Variants in ZFHX3 observed in about 807,000 individuals in gnomAD.
The protein encoded by ZFHX3 is zinc finger homeobox protein 3.
Under a neutral mutation model 279.1 loss-of-function variants are expected in ZFHX3, and 42 were observed. The observed-to-expected ratio is 0.15, with a 90% CI of 0.12 to 0.19. The LOEUF is 0.19. ZFHX3 is among the 10% of genes least tolerant of loss of function. The pLI is 1.00. For synonymous variants in ZFHX3, 2,293 were observed against 1,957.8 expected (o/e 1.17, Z -4.52); for missense variants, 4,981 against 4,754.0 (o/e 1.05, Z -1.40).
chr16:73,139,289 A>AT (rs1966840095), intron 6 of ZFHX3, among the ~76,000 whole-genome samples: 1 of 152,212 alleles, frequency 6.6e-6, no homozygotes, highest in African/African-American at 2.4e-5. Context: ...GACATGGTAT[A>AT]TTGTTGCAGA....
intron 2 of ZFHX3, among the ~76,000 whole-genome samples, chr16:73,632,017 A>G (rs1478886267): frequency 2.0e-5 from 3 of 152,074 alleles, no homozygotes; most frequent in Non-Finnish European, 4.4e-5. Flanking sequence ...CAAGTAAGCA[A>G]TTTTCTTTAA....
chr16:73,862,351 T>A (rs964884625), intron 1 of ZFHX3, among the ~76,000 whole-genome samples: 5 of 152,206 alleles, frequency 3.3e-5, no homozygotes, highest in African/African-American at 1.2e-4. Flanking sequence ...AAGAACCCCA[T>A]CAACTACATA....
intron 4 of ZFHX3, among the ~76,000 whole-genome samples, chr16:72,879,969 G>A (rs890453147): frequency 2.0e-5 from 3 of 152,170 alleles, no homozygotes; most frequent in African/African-American, 7.2e-5. Context: ...AGGACACAGG[G>A]CTCTGACCCC....
chr16:73,799,832 C>T (rs894129061), intron 1 of ZFHX3, among the ~76,000 whole-genome samples: 14 of 151,970 alleles, frequency 9.2e-5, no homozygotes, highest in African/African-American at 3.4e-4. Context: ...TCAAAAGTCC[C>T]AATATTGACT....
At chr16:73,319,651 C>G (rs1382989178) in intron 3 of ZFHX3, among the ~76,000 whole-genome samples, 2 of 152,062 alleles carry the variant, frequency 1.3e-5, no homozygotes, top group Non-Finnish European at 2.9e-5. Context: ...GGGGTGGGGT[C>G]CACATTCAAA....
chr16:72,912,105 C>A (rs993932315), intron 3 of ZFHX3, among the ~76,000 whole-genome samples: 5 of 152,186 alleles, frequency 3.3e-5, no homozygotes, highest in Non-Finnish European at 7.3e-5. Flanking sequence ...CAAACATGTG[C>A]CATTGCTGCC....
At chr16:72,944,364 A>G (rs753326769) in intron 3 of ZFHX3, among the ~76,000 whole-genome samples, 1 of 152,242 alleles carries the variant, frequency 6.6e-6, no homozygotes, top group Non-Finnish European at 1.5e-5. Context: ...GTGTGTGTGT[A>G]CAGATACATA....
In ZFHX3 at chr16:72,787,133, T is replaced by C. The variant is rs750201761; in HGVS notation, c.*31A>G. 7.4e-7 allele frequency: 1 copy of C among 1,358,804 alleles called. No homozygotes were observed. Among genetic ancestry groups the C allele is most frequent in the Non-Finnish European group, 9.6e-7 (1 of 1,044,998 alleles). The allele number at this position is 1,358,804 out of a possible 1,614,324, so 84.2% of individuals were successfully genotyped here. A position where few individuals can be genotyped will look rare whatever the true frequency, so the allele number is the denominator to read the frequency against. The stretch of plus-strand genomic sequence containing the variant: ...TTTGTTATTAATTTTTGTATTTAAA[T>C]TCATTTGTTTGTATTGTTCATCTTC... On this transcript the variant is annotated 3_prime_UTR_variant, in exon 10 of 10. Coordinates refer to ENST00000268489, the MANE Select transcript of ZFHX3 (RefSeq NM_006885.4).
chr16:73,206,874 C>G (rs927833985), intron 5 of ZFHX3, among the ~76,000 whole-genome samples: 1 of 151,656 alleles, frequency 6.6e-6, no homozygotes, highest in African/African-American at 2.4e-5. Flanking sequence ...TAAAATTATC[C>G]GGGTGTGATG....
intron 1 of ZFHX3, among the ~76,000 whole-genome samples, chr16:72,984,853 T>C (rs1172945891): frequency 2.0e-5 from 3 of 152,160 alleles, no homozygotes; most frequent in African/African-American, 7.2e-5. Context: ...TTATATGCAT[T>C]ACATGTTTAC....
rs532007648 is a variant in ZFHX3, at chr16:73,598,849, C to T, written c.-1547+81331G>A. Among the ~76,000 whole-genome samples the T allele has an allele frequency of 5.3e-5, 8 of 152,278 alleles. No individual in the cohort carries two copies. In the South Asian group the frequency reaches 6.2e-4, roughly 12 times the overall value. On this transcript the variant is annotated intron_variant, in intron 2 of 17. Transcript: ENST00000641206. ...TGCAATCTCCACTCACTGCAAACTC[C>T]GCCTCCTGGCTTCAAGCAATTCTCT... is the stretch of plus-strand genomic sequence containing the variant.
At chr16:73,093,776 T>C (rs1187342667) in intron 7 of ZFHX3, 5 of 284,114 alleles carry the variant, frequency 1.8e-5, no homozygotes, top group African/African-American at 8.7e-5. Context: ...CAACCTAAAT[T>C]CCATTCCTCG....
In ZFHX3 at chr16:73,883,425, GTGTA is replaced by G. The variant is rs779081309; in HGVS notation, c.-1608+8222_-1608+8225del. ...TGTGTGTGTGTGTGTGTGTGTGTGT[GTGTA>G]TATGAATATGTATTTATAATGTGGA... On this transcript the variant is annotated intron_variant, in intron 1 of 17. Transcript: ENST00000641206. 7.4e-3 allele frequency among the ~76,000 whole-genome samples: 1,005 copies of G among 135,390 alleles called. 11 individuals are homozygous for G. Among genetic ancestry groups the G allele is most frequent in the African/African-American group, 0.022 (817 of 37,620 alleles). The allele number at this position is 135,390 out of a possible 152,430, so 88.8% of individuals were successfully genotyped here.
chr16:73,136,203 C>CTCCTT lies in ZFHX3; in HGVS notation c.-1023-5114_-1023-5110dup, dbSNP rs113115980. Reference sequence around the variant, plus strand: ...GTTTGCCACCTTGAGTATCAATTAACTCCTTTCCTTTCCTTTTTCTTGTCC... The same window carrying CTCCTT: ...GTTTGCCACCTTGAGTATCAATTAACTCCTTTCCTTTCCTTTCCTTTTTCTTGTCC... On this transcript the variant is annotated intron_variant, in intron 6 of 17. Coordinates refer to the ZFHX3 transcript ENST00000641206. Among the ~76,000 whole-genome samples the CTCCTT allele has an allele frequency of 2.7e-3, 406 of 152,240 alleles. 1 individual carries two copies. The highest frequency in any genetic ancestry group is 7.3e-3 in the Admixed American group (111 of 15,284).
chr16:72,792,148 G>GTTC (rs1467448511), intron 9 of ZFHX3, among the ~76,000 whole-genome samples: 1 of 152,104 alleles, frequency 6.6e-6, no homozygotes, highest in African/African-American at 2.4e-5. Flanking sequence ...GGACAGAGAA[G>GTTC]GAGAAACAAG....
At chr16:73,298,604 C>T (rs2014981085) in intron 4 of ZFHX3, among the ~76,000 whole-genome samples, 1 of 147,752 alleles carries the variant, frequency 6.8e-6, no homozygotes, top group African/African-American at 2.5e-5. Context: ...ATATTTTAGA[C>T]TTCTGGGCCT....
chr16:73,077,071 G>T (rs1965893320), intron 8 of ZFHX3, among the ~76,000 whole-genome samples: 1 of 152,102 alleles, frequency 6.6e-6, no homozygotes, highest in Non-Finnish European at 1.5e-5. Context: ...CTCTCAAAAA[G>T]GATGCGCTAA....
intron 5 of ZFHX3, among the ~76,000 whole-genome samples, chr16:72,819,735 C>G (rs1419913775): frequency 6.6e-6 from 1 of 152,192 alleles, no homozygotes; most frequent in Non-Finnish European, 1.5e-5. Flanking sequence ...GGGATGACAG[C>G]CAGGTTTGGT....
chr16:72,807,920 C>T (rs1420514438), intron 7 of ZFHX3: 4 of 152,172 alleles, frequency 2.6e-5, no homozygotes, highest in Admixed American at 6.5e-5. Flanking sequence ...TAACTTCCTT[C>T]TCCTGGAGCA....
Sources: allele counts gnomAD v4.1 joint callset (sites outside exome capture counted in the v4.1 genomes callset), GRCh38; gene constraint gnomAD v4.1.1; transcripts MANE v1.5; gene names NCBI Gene and HGNC (gene_info 2026-07-23, HGNC 2026-07-21).